Variants in PCDH15 observed in about 807,000 individuals in gnomAD.
PCDH15 encodes protocadherin-15.
PCDH15 carries 129 observed loss-of-function variants against 178.5 expected under a neutral mutation model. That is an observed-to-expected ratio of 0.72 (90% CI 0.63 to 0.84). The LOEUF is 0.84. Among genes scored for constraint, PCDH15 ranks in the 40% least tolerant of loss-of-function variants. PCDH15 has a pLI of 0.00. For missense variants in PCDH15, 2,230 were observed against 2,099.9 expected (o/e 1.06, Z -1.21); for synonymous variants, 800 against 732.0 (o/e 1.09, Z -1.50).
rs1478008899 is a variant in PCDH15, at chr10:54,018,118, CTATAA to C, written c.2751+2069_2751+2073del. ...TAAAAGAAAATCTTATTTGTAGTCC[CTATAA>C]TATGAGAATTGTAGAAAAGTTGCCT... On this transcript the variant is annotated intron_variant, in intron 20 of 37. Transcript: ENST00000644397. Among the ~76,000 whole-genome samples, 37 of 152,060 alleles carry C rather than the reference CTATAA, an allele frequency of 2.4e-4. 1 individual carries two copies. The highest frequency in any genetic ancestry group is 5.4e-4 in the Non-Finnish European group (37 of 68,008).
intron 1 of PCDH15, among the ~76,000 whole-genome samples, chr10:54,724,039 T>G (rs1188307094): frequency 6.7e-6 from 1 of 149,356 alleles, no homozygotes; most frequent in Non-Finnish European, 1.5e-5. Context: ...CATCCCTGAG[T>G]ATCTACACAA....
intron 26 of PCDH15, among the ~76,000 whole-genome samples, chr10:53,873,433 T>G (rs1192620087): frequency 1.3e-5 from 2 of 152,238 alleles, no homozygotes; most frequent in Non-Finnish European, 2.9e-5. Flanking sequence ...TATTACATTA[T>G]CTCATGACAT....
At chr10:54,391,594 A>G (rs1950552989) in intron 3 of PCDH15, among the ~76,000 whole-genome samples, 1 of 152,022 alleles carries the variant, frequency 6.6e-6, no homozygotes, top group South Asian at 2.1e-4. Flanking sequence ...CAGGAAAAAA[A>G]AAAAACAACA....
rs543136094 is a variant in PCDH15 at position 53,994,268 on chromosome 10, C to T, written c.2868+1381G>A. Among the ~76,000 whole-genome samples, 64 of 152,186 alleles carry T rather than the reference C, an allele frequency of 4.2e-4. 1 individual carries two copies. Among genetic ancestry groups the T allele is most frequent in the Admixed American group, 1.8e-3 (28 of 15,270 alleles). On this transcript the variant is annotated intron_variant, in intron 21 of 37. Coordinates refer to ENST00000644397, the MANE Select transcript of PCDH15 (RefSeq NM_001384140.1). ...TGTCCCATGTAGGTGAAAAATAGCG[C>T]GACTTTTAATCTCTCATCATTAACG...
chr10:54,360,709 C>T (rs1009090175), intron 5 of PCDH15, among the ~76,000 whole-genome samples: 2 of 152,004 alleles, frequency 1.3e-5, no homozygotes, highest in Non-Finnish European at 2.9e-5. Flanking sequence ...CATCATCATC[C>T]TATCATTCTA....
At chr10:54,396,087 A>C (rs1485986380) in intron 3 of PCDH15, among the ~76,000 whole-genome samples, 1 of 152,120 alleles carries the variant, frequency 6.6e-6, no homozygotes, top group African/African-American at 2.4e-5. Context: ...CAAAGACAAA[A>C]AATATCCCCC....
chr10:55,026,306 T>C (rs2131961059), intron 2 of PCDH15, among the ~76,000 whole-genome samples: 1 of 152,106 alleles, frequency 6.6e-6, no homozygotes, highest in Middle Eastern at 3.4e-3. Flanking sequence ...TGTTTAACTA[T>C]AGTCTATGCA....
intron 21 of PCDH15, among the ~76,000 whole-genome samples, chr10:53,979,200 C>A (rs1444864943): frequency 1.3e-5 from 2 of 152,164 alleles, no homozygotes; most frequent in African/African-American, 4.8e-5. Flanking sequence ...CATAGTTCTG[C>A]AGGGCTGGGG....
chr10:55,405,306 A>ATATAT (rs1165251657), intron 2 of PCDH15, among the ~76,000 whole-genome samples: 7 of 135,306 alleles, frequency 5.2e-5, no homozygotes, highest in Admixed American at 7.4e-5. Context: ...ATATATATAC[A>ATATAT]ATTTAATGTC....
chr10:55,077,060 C>T (rs1591884015), intron 2 of PCDH15, among the ~76,000 whole-genome samples: 1 of 151,844 alleles, frequency 6.6e-6, no homozygotes, highest in South Asian at 2.1e-4. Context: ...AACCACCACG[C>T]CAGCCAAGTC....
intron 11 of PCDH15, among the ~76,000 whole-genome samples, chr10:54,191,482 G>A (rs1012161511): frequency 6.6e-6 from 1 of 152,140 alleles, no homozygotes; most frequent in Admixed American, 6.5e-5. Context: ...TGAAAGAAAC[G>A]ACAAGCAGTT....
At chr10:54,600,530 A>T (rs1474350682) in intron 2 of PCDH15, 11 of 577,238 alleles carry the variant, frequency 1.9e-5, no homozygotes, top group Non-Finnish European at 3.8e-5. Flanking sequence ...AGTGAGAGGG[A>T]GATGGTGCTA....
At chr10:54,664,450 A>C (rs763189070) in intron 1 of PCDH15, among the ~76,000 whole-genome samples, 160 bp from the exon 2 acceptor site, 28 of 152,178 alleles carry the variant, frequency 1.8e-4, no homozygotes, top group Non-Finnish European at 3.4e-4. Flanking sequence ...AATGCACTGG[A>C]ACTGTTTATC....
intron 2 of PCDH15, among the ~76,000 whole-genome samples, chr10:54,620,999 T>G (rs1301120972): frequency 2.6e-5 from 4 of 152,040 alleles, no homozygotes; most frequent in Admixed American, 2.0e-4. Context: ...TATTCTTTTT[T>G]AGGAGGACAC....
At chr10:55,367,189 G>T (rs1003818370) in intron 2 of PCDH15, among the ~76,000 whole-genome samples, 2 of 152,072 alleles carry the variant, frequency 1.3e-5, no homozygotes, top group Non-Finnish European at 2.9e-5. Context: ...TTAAAAAAAT[G>T]CATGAATAGT....
intron 32 of PCDH15, among the ~76,000 whole-genome samples, chr10:53,824,008 A>G (rs190110026): frequency 1.2e-4 from 19 of 152,228 alleles, no homozygotes; most frequent in Admixed American, 9.8e-4. Context: ...TTAAAACCTT[A>G]TACATAATAC....
At chr10:54,651,459 A>G (rs75259582) in intron 2 of PCDH15, among the ~76,000 whole-genome samples, 19,030 of 152,168 alleles carry the variant, frequency 0.13, 1,760 homozygotes, top group African/African-American at 0.26. Context: ...GTTTTATTAA[A>G]AATAGCTGAA....
chr10:54,863,155 A>T (rs1237667798), intron 3 of PCDH15, among the ~76,000 whole-genome samples: 6 of 152,286 alleles, frequency 3.9e-5, no homozygotes, highest in Admixed American at 3.3e-4. Flanking sequence ...ATGATGTTCT[A>T]TGATTAATTT....
chr10:55,162,815 T>G (rs1205861482), intron 2 of PCDH15, among the ~76,000 whole-genome samples: 2 of 152,118 alleles, frequency 1.3e-5, no homozygotes, highest in Non-Finnish European at 2.9e-5. Flanking sequence ...GGCTGTGAAG[T>G]CAGACCCAGG....
Sources: allele counts gnomAD v4.1 joint callset (sites outside exome capture counted in the v4.1 genomes callset), GRCh38; gene constraint gnomAD v4.1.1; transcripts MANE v1.5; gene names NCBI Gene and HGNC (gene_info 2026-07-23, HGNC 2026-07-21).